The following UNC5B variants were observed in gnomAD, a reference collection of about 807,000 sequenced individuals.
The protein encoded by UNC5B is netrin receptor UNC5B.
A neutral mutation model predicts 103.7 loss-of-function variants in UNC5B; 56 were observed. That is an observed-to-expected ratio of 0.54 (90% CI 0.44 to 0.67). The LOEUF (loss-of-function observed/expected upper bound fraction) is 0.67, where lower values mean the gene tolerates loss of function less well. Ranked by LOEUF, UNC5B falls within the 30% of genes least tolerant of loss-of-function variation. The probability of loss-of-function intolerance (pLI) is 0.00; values close to 1 mark genes in which losing one functional copy is unlikely to be tolerated. For synonymous variants in UNC5B, 577 were observed against 542.0 expected (o/e 1.06, Z -0.90); for missense variants, 1,194 against 1,284.5 (o/e 0.93, Z 1.08).
intron 1 of UNC5B, chr10:71,218,061 T>C (rs1319798601): frequency 6.6e-6 from 1 of 151,538 alleles, no homozygotes; most frequent in African/African-American, 2.4e-5. Flanking sequence ...TGAGAGTATG[T>C]ATTAAGGAGT....
intron 2 of UNC5B, among the ~76,000 whole-genome samples, chr10:71,283,701 C>A (rs1411366119): frequency 6.6e-6 from 1 of 152,136 alleles, no homozygotes; most frequent in Non-Finnish European, 1.5e-5. Context: ...TGGCAGGTTC[C>A]CCCCTTTCCT....
chr10:71,289,266 C>T (rs1360391506), intron 8 of UNC5B, among the ~76,000 whole-genome samples: 1 of 152,226 alleles, frequency 6.6e-6, no homozygotes, highest in Non-Finnish European at 1.5e-5. Context: ...AGGGACTTGG[C>T]CAGAGACACA....
intron 1 of UNC5B, among the ~76,000 whole-genome samples, chr10:71,260,176 T>C (rs973686178): frequency 6.6e-5 from 10 of 152,246 alleles, no homozygotes; most frequent in African/African-American, 2.4e-4. Context: ...TCTCTGCTTT[T>C]GCCAGCTGTC....
At chr10:71,214,662 A>C (rs566508465) in intron 1 of UNC5B, among the ~76,000 whole-genome samples, 1 of 152,274 alleles carries the variant, frequency 6.6e-6, no homozygotes, top group South Asian at 2.1e-4. Context: ...TTGTACCAGC[A>C]GGACAGTGGG....
intron 1 of UNC5B, among the ~76,000 whole-genome samples, chr10:71,225,675 G>A (rs576920763): frequency 6.6e-6 from 1 of 152,324 alleles, no homozygotes; most frequent in African/African-American, 2.4e-5. Flanking sequence ...TAGAGAGTTA[G>A]AGTTTTCTTC....
At chr10:71,226,101 G>T (rs1018114314) in intron 1 of UNC5B, among the ~76,000 whole-genome samples, 1 of 152,100 alleles carries the variant, frequency 6.6e-6, no homozygotes, top group Non-Finnish European at 1.5e-5. Context: ...TTGAGACTGA[G>T]TCTTGCTCTA....
At chr10:71,243,634 G>C (rs531888272) in intron 1 of UNC5B, among the ~76,000 whole-genome samples, 1 of 152,294 alleles carries the variant, frequency 6.6e-6, no homozygotes, top group South Asian at 2.1e-4. Context: ...TGTTCCCCGG[G>C]GGGCTTGGGA....
intron 9 of UNC5B, 76 bp from the exon 10 acceptor site, chr10:71,291,356 G>C: frequency 6.6e-7 from 1 of 1,521,300 alleles, no homozygotes; most frequent in Non-Finnish European, 8.8e-7. Flanking sequence ...TGGACATTTG[G>C]GTGGGATTTT....
Position 71,287,621 on chromosome 10 carries a change from G to C in UNC5B, c.757G>C (p.Ala253Pro). 1 of 1,606,028 alleles carries C rather than the reference G, an allele frequency of 6.2e-7. No individual in the cohort carries two copies. The highest frequency in any genetic ancestry group is 1.1e-5 in the South Asian group (1 of 90,376). ...VYVNGGWSSW[A>P]EWSPCSNRCG... ...AGTGAATGGCGGCTGGTCCAGCTGG[G>C]CAGAGTGGTCACCCTGCTCCAACCG... is the stretch of plus-strand genomic sequence containing the variant. The change falls in exon 6 of 17, where the codon GCA becomes CCA. Residue 253 changes from alanine (A) to proline (P), a missense_variant. Coordinates refer to ENST00000335350, the MANE Select transcript of UNC5B (RefSeq NM_170744.5).
chr10:71,288,703 A>C lies in UNC5B; in HGVS notation c.1037A>C (p.Lys346Thr). 1 of 1,613,536 alleles carries C rather than the reference A, an allele frequency of 6.2e-7. No individual in the cohort carries two copies. The highest frequency in any genetic ancestry group is 8.5e-7 in the Non-Finnish European group (1 of 1,179,832). ...RDCSGTLLDS[K>T]NCTDGLCMQN... Reference sequence around the variant, plus strand: ...TGCAGCGGGACGCTGCTCGACTCTAAGAACTGCACAGATGGGCTGTGCATG... The same window carrying C: ...TGCAGCGGGACGCTGCTCGACTCTACGAACTGCACAGATGGGCTGTGCATG... The change falls in exon 7 of 17, where the codon AAG becomes ACG. Residue 346 changes from lysine to threonine, a missense_variant. Transcript: ENST00000335350.
rs371332596 is a variant in UNC5B, at chr10:71,288,622, C to T, written c.956C>T (p.Ala319Val). ...TGGTCAGCCTGCAGCACTGAGTGTG[C>T]CCACTGGCGTAGCCGCGAGTGCATG... ...SKWSACSTECAHWRSRECMAP... is the reference protein window; with the variant it reads ...SKWSACSTECVHWRSRECMAP... The change falls in exon 7 of 17, where the codon GCC becomes GTC. Residue 319 changes from alanine to valine, a missense_variant. Transcript: ENST00000335350. The T allele has an allele frequency of 1.9e-6, 3 of 1,613,906 alleles. No homozygotes were observed. Among genetic ancestry groups the T allele is most frequent in the African/African-American group, 2.7e-5 (2 of 74,948 alleles).
rs768985129 is a variant in UNC5B at position 71,295,898 on chromosome 10, C to T, written c.2263C>T (p.Arg755Cys). 6.2e-6 allele frequency: 10 copies of T among 1,613,206 alleles called. No homozygotes were observed. Among genetic ancestry groups the T allele is most frequent in the Admixed American group, 5.0e-5 (3 of 60,004 alleles). The part of the protein sequence containing the change: ...LMFKDSYHNL[R>C]LSLHDLPHAH... ...GTTCAAGGACAGTTACCACAACCTG[C>T]GCCTCTCCCTCCATGACCTCCCCCA... is the stretch of plus-strand genomic sequence containing the variant. The change falls in exon 14 of 17, where the codon CGC (arginine) becomes TGC (cysteine). Residue 755 changes from arginine to cysteine, a missense_variant. Coordinates refer to ENST00000335350, the MANE Select transcript of UNC5B (RefSeq NM_170744.5).
chr10:71,226,902 AC>A (rs1456663611), intron 1 of UNC5B, among the ~76,000 whole-genome samples: 6 of 152,156 alleles, frequency 3.9e-5, no homozygotes, highest in Non-Finnish European at 7.4e-5. Flanking sequence ...AGATATATAT[AC>A]CATGGAATAC....
chr10:71,226,983 CT>C (rs34048995), intron 1 of UNC5B, among the ~76,000 whole-genome samples: 6,981 of 142,592 alleles, frequency 0.049, 219 homozygotes, highest in East Asian at 0.17. Context: ...GACCATTCTT[CT>C]TTTTTTTTTT....
At chr10:71,289,958 C>T (rs980711720) in intron 8 of UNC5B, among the ~76,000 whole-genome samples, 12 of 152,158 alleles carry the variant, frequency 7.9e-5, no homozygotes, top group African/African-American at 2.9e-4. Flanking sequence ...TCTGAGGGCC[C>T]CCCAGGGAGG....
chr10:71,287,883 C>G, intron 6 of UNC5B, 118 bp downstream of exon 6: 1 of 1,379,132 alleles, frequency 7.3e-7, no homozygotes, highest in Non-Finnish European at 9.6e-7. Context: ...GTGCTTGTCC[C>G]GAGCCCACAG....
chr10:71,297,277 G>A (rs545774248), intron 15 of UNC5B, among the ~76,000 whole-genome samples: 24 of 152,348 alleles, frequency 1.6e-4, no homozygotes, highest in Middle Eastern at 3.4e-3. Context: ...CACAAGCACC[G>A]GGAGATGCAT....
intron 1 of UNC5B, among the ~76,000 whole-genome samples, chr10:71,260,578 G>T (rs577514926): frequency 6.6e-6 from 1 of 152,316 alleles, no homozygotes; most frequent in East Asian, 1.9e-4. Flanking sequence ...GGGGAGGCTG[G>T]GGGGCATCAG....
intron 4 of UNC5B, among the ~76,000 whole-genome samples, chr10:71,285,780 C>T (rs4747146): frequency 0.69 from 104,296 of 152,022 alleles, 37,120 homozygotes; most frequent in Non-Finnish European, 0.78. Flanking sequence ...TCCCATCATG[C>T]GTGTGTGTGA....
Sources: gnomAD v4.1 joint callset for allele counts (sites outside exome capture counted in the v4.1 genomes callset) on GRCh38, gnomAD v4.1.1 for gene constraint, MANE v1.5 for transcripts, NCBI Gene and HGNC (gene_info 2026-07-23, HGNC 2026-07-21) for gene names.